The following ALMS1 variants were observed in gnomAD, a reference collection of about 807,000 sequenced individuals.
ALMS1 encodes ALMS1 centrosome and basal body associated protein, also known as centrosome-associated protein ALMS1.
ALMS1 carries 271 observed loss-of-function variants against 352.2 expected under a neutral mutation model. That is an observed-to-expected ratio of 0.77 (90% CI 0.70 to 0.85). The LOEUF is 0.85. ALMS1 is among the 40% of genes least tolerant of loss of function. The pLI is 0.00. For synonymous variants in ALMS1, 1,865 were observed against 1,761.2 expected, an observed-to-expected ratio of 1.06 and a Z score of -1.48; for missense variants, 5,445 against 4,870.7, an observed-to-expected ratio of 1.12 and a Z score of -3.51.
intron 1 of ALMS1, among the ~76,000 whole-genome samples, chr2:73,399,050 A>G (rs1179606990): frequency 1.3e-5 from 2 of 151,860 alleles, no homozygotes; most frequent in African/African-American, 4.8e-5. Flanking sequence ...ATGGAGTTTC[A>G]CTATGTTGGC....
chr2:73,465,892 C>T (rs1330289085), intron 9 of ALMS1, among the ~76,000 whole-genome samples: 2 of 152,216 alleles, frequency 1.3e-5, no homozygotes, highest in African/African-American at 2.4e-5. Context: ...AAATGCTCAT[C>T]ATCACTGGAC....
At chr2:73,406,706 A>T (rs1670980428) in intron 1 of ALMS1, among the ~76,000 whole-genome samples, 1 of 151,722 alleles carries the variant, frequency 6.6e-6, no homozygotes, top group South Asian at 2.1e-4. Context: ...TTGCCCCCCA[A>T]CCTCCACCTC....
At chr2:73,524,551 G>A (rs571483070) in intron 11 of ALMS1, among the ~76,000 whole-genome samples, 1 of 152,050 alleles carries the variant, frequency 6.6e-6, no homozygotes, top group Non-Finnish European at 1.5e-5. Context: ...TGCCTCCTTG[G>A]TTCAAGCAAT....
At chr2:73,575,535 A>G (rs79514498) in intron 16 of ALMS1, among the ~76,000 whole-genome samples, 1 of 152,164 alleles carries the variant, frequency 6.6e-6, no homozygotes, top group Admixed American at 6.5e-5. Flanking sequence ...GTGAGTTAGT[A>G]TCATTGTGGT....
At chr2:73,397,400 A>G (rs1670784922) in intron 1 of ALMS1, among the ~76,000 whole-genome samples, 1 of 150,240 alleles carries the variant, frequency 6.7e-6, no homozygotes, top group Non-Finnish European at 1.5e-5. Context: ...TTTTTTTATG[A>G]TGGGGATGGG....
At chr2:73,446,169 T>C (rs1214068970) in intron 7 of ALMS1, among the ~76,000 whole-genome samples, 2 of 152,154 alleles carry the variant, frequency 1.3e-5, no homozygotes, top group African/African-American at 4.8e-5. Flanking sequence ...TTACTAATCT[T>C]TTCCTTTACC....
chr2:73,550,392 G>A lies in ALMS1; in HGVS notation c.10033G>A (p.Ala3345Thr). 1 of 1,614,172 alleles carries A rather than the reference G, an allele frequency of 6.2e-7. No homozygotes were observed. Among genetic ancestry groups the A allele is most frequent in the Admixed American group, 1.7e-5 (1 of 60,022 alleles). The change falls in exon 13 of 23, where the codon GCA (alanine) becomes ACA (threonine). Residue 3345 changes from alanine to threonine, a missense_variant. Ala to Thr is a moderately conservative substitution (Grantham distance 58). Coordinates refer to ENST00000613296, the MANE Select transcript of ALMS1 (RefSeq NM_001378454.1). ...GIYSKRVVTK[A>T]SLPVGEKPLQ... ...CTACAGTAAGAGGGTAGTGACTAAG[G>A]CATCCTTGCCAGTGGGAGAAAAACC...
At chr2:73,479,450 A>G (rs998021059) in intron 9 of ALMS1, among the ~76,000 whole-genome samples, 3 of 152,234 alleles carry the variant, frequency 2.0e-5, no homozygotes, top group African/African-American at 7.2e-5. Context: ...AATTTCAAGA[A>G]TGTCATATAA....
intron 16 of ALMS1, among the ~76,000 whole-genome samples, chr2:73,593,191 GAAAAAAAAA>G: frequency 7.5e-6 from 1 of 133,932 alleles, no homozygotes; most frequent in East Asian, 2.3e-4. Context: ...ATGGATTCAG[GAAAAAAAAA>G]AAAAAAAAGT....
intron 13 of ALMS1, 41 bp from the exon 14 acceptor site, chr2:73,557,179 T>C: frequency 6.2e-7 from 1 of 1,613,530 alleles, no homozygotes; most frequent in Non-Finnish European, 8.5e-7. Flanking sequence ...TTGTGTTTAT[T>C]ATCTTTCCTT....
chr2:73,588,779 C>T (rs982343947), intron 16 of ALMS1, among the ~76,000 whole-genome samples: 1 of 152,050 alleles, frequency 6.6e-6, no homozygotes, highest in African/African-American at 2.4e-5. Context: ...GAGAGACCTC[C>T]ATGAGAAAAG....
Position 73,519,795 on chromosome 2 carries a change from C to A in ALMS1, c.9560C>A (p.Thr3187Asn). 6.2e-7 allele frequency: 1 copy of A among 1,614,000 alleles called. No individual in the cohort carries two copies. Among genetic ancestry groups the A allele is most frequent in the South Asian group, 1.1e-5 (1 of 91,062 alleles). Residue 3187 changes from threonine to asparagine, a missense_variant, in exon 11 of 23, where the codon ACC (threonine) becomes AAC (asparagine). By Grantham distance (65) the Thr-to-Asn change is moderately conservative. Transcript: ENST00000613296. ...GTCAGATTACCAGAGAAGATGAAGA[C>A]CCCACTTTCTGCTTTCTCTGAAAAA... is the stretch of plus-strand genomic sequence containing the variant. Reference protein sequence around the residue: ...FADRLPEKMKTPLSAFSEKLS... With the variant: ...FADRLPEKMKNPLSAFSEKLS...
intron 12 of ALMS1, among the ~76,000 whole-genome samples, chr2:73,536,361 G>A (rs1013840682): frequency 6.6e-6 from 1 of 152,110 alleles, no homozygotes; most frequent in African/African-American, 2.4e-5. Context: ...CAGTGTAGGT[G>A]ATGGGAGAAG....
chr2:73,385,945 A>C lies in ALMS1; in HGVS notation c.77A>C (p.Glu26Ala), dbSNP rs1670512146. Residue 26 changes from glutamate (E) to alanine (A), a missense_variant, in exon 1 of 23, where the codon GAG becomes GCG. Transcript: ENST00000613296. ...EEEEEEEEEEEEEAAAAAAAN... is the reference protein window; with the variant it reads ...EEEEEEEEEEAEEAAAAAAAN... ...GAGGAGGAGGAGGAGGAGGAGGAAG[A>C]GGAGGAGGCTGCAGCGGCGGCGGCG... 7 of 1,252,522 alleles carry C rather than the reference A, an allele frequency of 5.6e-6. No homozygotes were observed. The highest frequency in any genetic ancestry group is 1.5e-5 in the African/African-American group (1 of 66,152). 77.6% of individuals were successfully genotyped at this position (1,252,522 alleles called of 1,614,324 possible).
intron 9 of ALMS1, among the ~76,000 whole-genome samples, chr2:73,485,485 A>C (rs1271372943): frequency 6.6e-6 from 1 of 152,238 alleles, no homozygotes; most frequent in South Asian, 2.1e-4. Flanking sequence ...CAAAGCTGTC[A>C]GACAGGGACA....
intron 12 of ALMS1, among the ~76,000 whole-genome samples, chr2:73,546,175 C>G (rs1674315673): frequency 6.6e-6 from 1 of 152,098 alleles, no homozygotes; most frequent in South Asian, 2.1e-4. Context: ...TGACTTTAAA[C>G]CCTGAATTCC....
chr2:73,418,973 A>G, intron 2 of ALMS1, 150 bp from the exon 3 acceptor site: 2 of 716,588 alleles, frequency 2.8e-6, no homozygotes. Flanking sequence ...TAATATTGTG[A>G]GAACAACAGC....
At chr2:73,470,095 T>G (rs989308289) in intron 9 of ALMS1, 1 of 151,866 alleles carries the variant, frequency 6.6e-6, no homozygotes, top group Admixed American at 6.6e-5. Context: ...TCTTCTAGTT[T>G]TTTCTTAGTC....
At chr2:73,431,441 A>G (rs1167759073) in intron 6 of ALMS1, among the ~76,000 whole-genome samples, 1 of 152,194 alleles carries the variant, frequency 6.6e-6, no homozygotes. Context: ...GGAAATAAAG[A>G]CAATCTAAAA....
Sources: allele counts gnomAD v4.1 joint callset (sites outside exome capture counted in the v4.1 genomes callset), GRCh38; gene constraint gnomAD v4.1.1; transcripts MANE v1.5; gene names NCBI Gene and HGNC (gene_info 2026-07-23, HGNC 2026-07-21).